The following BAZ2B variants were observed in gnomAD, a reference collection of about 807,000 sequenced individuals.
BAZ2B encodes the protein bromodomain adjacent to zinc finger domain 2B, also known as bromodomain adjacent to zinc finger domain protein 2B.
BAZ2B carries 91 observed loss-of-function variants against 246.0 expected under a neutral mutation model. The observed-to-expected ratio is 0.37, with a 90% CI of 0.31 to 0.44. The LOEUF (loss-of-function observed/expected upper bound fraction) is 0.44. BAZ2B is among the 20% of genes least tolerant of loss of function. BAZ2B has a pLI of 1.00. For missense variants in BAZ2B, 2,332 were observed against 2,533.7 expected, an observed-to-expected ratio of 0.92 and a Z score of 1.71; for synonymous variants, 855 against 860.0, an observed-to-expected ratio of 0.99 and a Z score of 0.10.
the BAZ2B span, among the ~76,000 whole-genome samples, chr2:159,709,879 T>C: frequency 6.6e-6 from 1 of 152,050 alleles, no homozygotes; most frequent in Non-Finnish European, 1.5e-5. Context: ...AGGGGGAAAA[T>C]TGGTTAATAG....
At chr2:159,602,441 TAC>T (rs1028233386) in intron 1 of BAZ2B, among the ~76,000 whole-genome samples, 1 of 152,232 alleles carries the variant, frequency 6.6e-6, no homozygotes, top group African/African-American at 2.4e-5. Context: ...TATATAAACT[TAC>T]AGTCAATAAA....
chr2:159,585,438 G>A (rs1687815352), intron 1 of BAZ2B, among the ~76,000 whole-genome samples: 1 of 152,146 alleles, frequency 6.6e-6, no homozygotes, highest in South Asian at 2.1e-4. Context: ...AAAAAATATG[G>A]CAAATGAATG....
rs113609549 is a variant in BAZ2B, at chr2:159,507,696, C to T, written c.-2-28975G>A. ...TGAGAAGTAATCTAAATTGAATAAC[C>T]AAAAAACTTTAAAATAAGAAAATGA... On this transcript the variant is annotated intron_variant, in intron 2 of 36. Transcript: ENST00000392783. Among the ~76,000 whole-genome samples, 4 of 151,608 alleles carry T rather than the reference C, an allele frequency of 2.6e-5. 1 individual carries two copies. Among genetic ancestry groups the T allele is most frequent in the African/African-American group, 9.7e-5 (4 of 41,330 alleles).
intron 31 of BAZ2B, among the ~76,000 whole-genome samples, chr2:159,346,202 G>A (rs1332225708): frequency 6.6e-6 from 1 of 152,146 alleles, no homozygotes; most frequent in Non-Finnish European, 1.5e-5. Context: ...AATTACGTTT[G>A]TCACAAGAAA....
At chr2:159,551,466 C>CAAAAAA (rs57418948) in intron 2 of BAZ2B, among the ~76,000 whole-genome samples, 20 of 71,632 alleles carry the variant, frequency 2.8e-4, no homozygotes, top group African/African-American at 4.1e-4. Context: ...GACTCAGACT[C>CAAAAAA]AAAAAAAAAA....
chr2:159,474,668 T>C, intron 3 of BAZ2B, among the ~76,000 whole-genome samples: 1 of 152,198 alleles, frequency 6.6e-6, no homozygotes, highest in East Asian at 1.9e-4. Flanking sequence ...TCTTTACAAT[T>C]TGGTGTGTTT....
At chr2:159,637,805 A>C in the BAZ2B span, among the ~76,000 whole-genome samples, 2 of 152,284 alleles carry the variant, frequency 1.3e-5, no homozygotes, top group East Asian at 1.9e-4. Flanking sequence ...CAAGCAATCC[A>C]TCTACCTCAG....
intron 1 of BAZ2B, among the ~76,000 whole-genome samples, chr2:159,579,581 A>G (rs945514969): frequency 1.3e-5 from 2 of 152,146 alleles, no homozygotes; most frequent in African/African-American, 4.8e-5. Context: ...TTTAATGCCA[A>G]CATCATCCTG....
At chr2:159,366,258 C>T (rs898893794) in intron 27 of BAZ2B, among the ~76,000 whole-genome samples, 2 of 152,198 alleles carry the variant, frequency 1.3e-5, no homozygotes, top group South Asian at 4.1e-4. Flanking sequence ...CCACTTCAGA[C>T]CTGCAGTTGA....
the BAZ2B span, among the ~76,000 whole-genome samples, chr2:159,634,364 C>T: frequency 6.6e-6 from 1 of 152,128 alleles, no homozygotes; most frequent in Non-Finnish European, 1.5e-5. Flanking sequence ...ATGAAAGGAA[C>T]AAGCTGTCAA....
At chr2:159,532,051 G>T (rs1175116911) in intron 2 of BAZ2B, among the ~76,000 whole-genome samples, 2 of 151,984 alleles carry the variant, frequency 1.3e-5, no homozygotes, top group Admixed American at 1.3e-4. Context: ...TAAGACAACA[G>T]AAGTACATTG....
chr2:159,588,056 C>T (rs906929043), intron 1 of BAZ2B, among the ~76,000 whole-genome samples: 1 of 151,686 alleles, frequency 6.6e-6, no homozygotes, highest in African/African-American at 2.4e-5. Flanking sequence ...TGGCCGAACA[C>T]GGTGGCATGT....
intron 27 of BAZ2B, among the ~76,000 whole-genome samples, chr2:159,369,283 CAT>C (rs2060562952): frequency 6.6e-6 from 1 of 152,150 alleles, no homozygotes; most frequent in African/African-American, 2.4e-5. Context: ...GAGGAATACA[CAT>C]GTGTTCAGTG....
At chr2:159,428,801 C>T (rs1381132770) in intron 11 of BAZ2B, among the ~76,000 whole-genome samples, 3 of 152,152 alleles carry the variant, frequency 2.0e-5, no homozygotes, top group African/African-American at 7.2e-5. Context: ...TAAAAGCTGT[C>T]ATTTCTAATT....
At chr2:159,697,814 C>A in the BAZ2B span, among the ~76,000 whole-genome samples, 1 of 152,130 alleles carries the variant, frequency 6.6e-6, no homozygotes, top group South Asian at 2.1e-4. Flanking sequence ...ACTGCCATGA[C>A]AATATTTTTA....
At chr2:159,692,156 A>AT in the BAZ2B span, among the ~76,000 whole-genome samples, 10,770 of 150,150 alleles carry the variant, frequency 0.072, 486 homozygotes, top group Middle Eastern at 0.19. Context: ...CTTTTTCTTA[A>AT]TTTTTTTTTT....
At chr2:159,635,773 G>A in the BAZ2B span, among the ~76,000 whole-genome samples, 1 of 152,160 alleles carries the variant, frequency 6.6e-6, no homozygotes, top group East Asian at 1.9e-4. Flanking sequence ...TTGAAACCAT[G>A]CAAATATCTA....
chr2:159,599,921 G>A (rs1691698249), intron 1 of BAZ2B, among the ~76,000 whole-genome samples: 1 of 127,564 alleles, frequency 7.8e-6, no homozygotes, highest in Non-Finnish European at 1.6e-5. Flanking sequence ...GGGCGACAGA[G>A]CGAGACTCCT....
intron 20 of BAZ2B, among the ~76,000 whole-genome samples, chr2:159,393,830 C>G (rs74623204): frequency 0.012 from 1,763 of 152,216 alleles, 7 homozygotes; most frequent in Middle Eastern, 0.034. Flanking sequence ...GTGGCTACCA[C>G]CCTCCACTCA....
Sources: gnomAD v4.1 joint callset for allele counts (sites outside exome capture counted in the v4.1 genomes callset) on GRCh38, gnomAD v4.1.1 for gene constraint, MANE v1.5 for transcripts, NCBI Gene and HGNC (gene_info 2026-07-23, HGNC 2026-07-21) for gene names.